Variants in SNAP91 observed in about 807,000 individuals in gnomAD.
SNAP91 encodes clathrin coat assembly protein AP180.
SNAP91 carries 27 observed loss-of-function variants against 100.3 expected under a neutral mutation model. That is an observed-to-expected ratio of 0.27 (90% CI 0.20 to 0.37). SNAP91 has a LOEUF of 0.37. Among genes scored for constraint, SNAP91 ranks in the 10% least tolerant of loss-of-function variants. The probability of loss-of-function intolerance (pLI) is 1.00; values close to 1 mark genes in which losing one functional copy is unlikely to be tolerated. For missense variants in SNAP91, 986 were observed against 1,123.7 expected (o/e 0.88, Z 1.75); for synonymous variants, 404 against 398.6 (o/e 1.01, Z -0.16).
chr6:83,696,694 C>T (rs2099217326), intron 2 of SNAP91, among the ~76,000 whole-genome samples: 1 of 152,196 alleles, frequency 6.6e-6, no homozygotes, highest in African/African-American at 2.4e-5. Context: ...TGGGCTTAAA[C>T]ATCTCTTCCT....
chr6:83,692,121 A>T (rs1202316468), intron 2 of SNAP91, among the ~76,000 whole-genome samples: 3 of 152,332 alleles, frequency 2.0e-5, no homozygotes, highest in East Asian at 3.9e-4. Flanking sequence ...TTCTGCTTAC[A>T]GTATTGAAAG....
At chr6:83,665,330 T>C in intron 3 of SNAP91, 109 bp downstream of exon 3, 13 of 1,094,424 alleles carry the variant, frequency 1.2e-5, no homozygotes, top group Non-Finnish European at 1.7e-5. Context: ...GTGTATTTCC[T>C]TTTCTTTTTC....
At chr6:83,566,105 T>C (rs1299678754) in intron 26 of SNAP91, among the ~76,000 whole-genome samples, 1 of 152,140 alleles carries the variant, frequency 6.6e-6, no homozygotes, top group Non-Finnish European at 1.5e-5. Flanking sequence ...TGAAATATAT[T>C]CAGCCATAAA....
intron 8 of SNAP91, among the ~76,000 whole-genome samples, chr6:83,627,092 T>C (rs935068884): frequency 2.6e-5 from 4 of 152,146 alleles, no homozygotes; most frequent in Non-Finnish European, 4.4e-5. Flanking sequence ...AGAAAGCTTT[T>C]GCTGCATCTA....
intron 17 of SNAP91, 40 bp downstream of exon 17, chr6:83,594,334 G>T: frequency 1.4e-6 from 2 of 1,467,794 alleles, no homozygotes; most frequent in Non-Finnish European, 9.3e-7. Context: ...TTTACATTAG[G>T]ACAGAAGAAT....
intron 7 of SNAP91, among the ~76,000 whole-genome samples, chr6:83,651,656 A>T (rs2098211350): frequency 6.6e-6 from 1 of 152,148 alleles, no homozygotes; most frequent in Non-Finnish European, 1.5e-5. Flanking sequence ...TTTATGGTTC[A>T]GATTGTGGTC....
At chr6:83,585,666 C>T (rs954162806) in intron 22 of SNAP91, among the ~76,000 whole-genome samples, 4 of 152,078 alleles carry the variant, frequency 2.6e-5, no homozygotes, top group African/African-American at 9.7e-5. Context: ...ACTCAACCAT[C>T]TGTTGATACA....
intron 24 of SNAP91, among the ~76,000 whole-genome samples, chr6:83,577,504 T>C (rs1056453213): frequency 2.6e-5 from 4 of 152,142 alleles, no homozygotes; most frequent in Non-Finnish European, 4.4e-5. Flanking sequence ...CTTACATATG[T>C]ATACATGAAT....
At chr6:83,610,746 T>TAA (rs10586463) in intron 11 of SNAP91, 69 bp from the exon 12 acceptor site, 2 of 86,832 alleles carry the variant, frequency 2.3e-5, no homozygotes, top group Admixed American at 1.7e-4. Flanking sequence ...TATATATATA[T>TAA]AAATATATAT....
intron 24 of SNAP91, among the ~76,000 whole-genome samples, chr6:83,576,373 A>G (rs1228378137): frequency 1.3e-5 from 2 of 152,160 alleles, no homozygotes; most frequent in African/African-American, 2.4e-5. Context: ...TCTCTATACT[A>G]GGATAAAACT....
At position 83,656,596 on chromosome 6, in the gene SNAP91, A is replaced by AT. The variant is rs1179873736; in HGVS notation, c.658+157dup. On this transcript the variant is annotated intron_variant, in intron 7 of 29. Transcript: ENST00000369694. ...AGATATGGATTTACCATCTCTGCCC[A>AT]TATCGTTCTGCCAGTACCACCATCT... Among the ~76,000 whole-genome samples the AT allele has an allele frequency of 9.9e-5, 15 of 152,146 alleles. 1 individual carries two copies. The highest frequency in any genetic ancestry group is 6.2e-4 in the South Asian group (3 of 4,820).
At chr6:83,563,449 T>C (rs1791564379) in intron 26 of SNAP91, among the ~76,000 whole-genome samples, 1 of 152,030 alleles carries the variant, frequency 6.6e-6, no homozygotes, top group Non-Finnish European at 1.5e-5. Flanking sequence ...AAAAAATGAC[T>C]GAAAACTTTC....
intron 7 of SNAP91, among the ~76,000 whole-genome samples, chr6:83,652,502 C>A (rs2098249936): frequency 6.6e-6 from 1 of 152,052 alleles, no homozygotes; most frequent in Non-Finnish European, 1.5e-5. Context: ...CTGAATTCCT[C>A]CCTACTATCC....
At chr6:83,675,753 C>T (rs1009605772) in intron 2 of SNAP91, among the ~76,000 whole-genome samples, 2 of 150,296 alleles carry the variant, frequency 1.3e-5, no homozygotes, top group African/African-American at 4.9e-5. Flanking sequence ...ATAATAGCAC[C>T]TACCTGACAG....
At chr6:83,660,634 A>C (rs781301089) in intron 5 of SNAP91, among the ~76,000 whole-genome samples, 22 of 152,168 alleles carry the variant, frequency 1.4e-4, no homozygotes, top group Non-Finnish European at 2.9e-4. Context: ...AGGTTTTCTT[A>C]ATTGGTAGTA....
intron 26 of SNAP91, among the ~76,000 whole-genome samples, chr6:83,570,567 G>A (rs1206021669): frequency 1.3e-5 from 2 of 149,764 alleles, no homozygotes; most frequent in African/African-American, 4.9e-5. Flanking sequence ...GGGGGGGGAA[G>A]TGGTTTCATG....
In SNAP91 at chr6:83,575,125, A is replaced by G; in HGVS notation, c.2331-4T>C. ...AGCATTCCACTGAAGATCTCCCCTA[A>G]AATTAACCATGCAAAACAAGCAAAC... is the stretch of plus-strand genomic sequence containing the variant. On this transcript the variant is annotated splice_region_variant and splice_polypyrimidine_tract_variant and intron_variant, in intron 25 of 29. Transcript: ENST00000369694. The G allele has an allele frequency of 6.3e-7, 1 of 1,587,908 alleles. No individual in the cohort carries two copies. The highest frequency in any genetic ancestry group is 8.6e-7 in the Non-Finnish European group (1 of 1,159,944).
chr6:83,642,145 A>C (rs541134442), intron 7 of SNAP91, among the ~76,000 whole-genome samples: 75 of 140,152 alleles, frequency 5.4e-4, no homozygotes, highest in Non-Finnish European at 4.0e-4. Context: ...TTATATTTGC[A>C]CATGGTTTAA....
At chr6:83,620,192 T>C (rs1360902306) in intron 9 of SNAP91, among the ~76,000 whole-genome samples, 2 of 152,236 alleles carry the variant, frequency 1.3e-5, no homozygotes, top group South Asian at 2.1e-4. Flanking sequence ...CCATTCCATT[T>C]TGCTGAAAGA....
Sources: gnomAD v4.1 joint callset for allele counts (sites outside exome capture counted in the v4.1 genomes callset) on GRCh38, gnomAD v4.1.1 for gene constraint, MANE v1.5 for transcripts, NCBI Gene and HGNC (gene_info 2026-07-23, HGNC 2026-07-21) for gene names.